The following MEGF6 variants were observed in gnomAD, a reference collection of about 807,000 sequenced individuals.
MEGF6 encodes multiple epidermal growth factor-like domains protein 6.
MEGF6 carries 184 observed loss-of-function variants against 207.1 expected under a neutral mutation model. That is an observed-to-expected ratio of 0.89 (90% CI 0.79 to 1.00). The LOEUF is 1.00. Among genes scored for constraint, MEGF6 ranks in the 50% least tolerant of loss-of-function variants. The probability of loss-of-function intolerance (pLI) is 0.00; values close to 1 mark genes in which losing one functional copy is unlikely to be tolerated. For missense variants in MEGF6, 2,282 were observed against 2,202.9 expected (o/e 1.04, Z -0.72); for synonymous variants, 1,038 against 910.0 (o/e 1.14, Z -2.53).
At chr1:3,606,665 T>C (rs1329486646) in intron 1 of MEGF6, among the ~76,000 whole-genome samples, 3 of 152,192 alleles carry the variant, frequency 2.0e-5, no homozygotes, top group Non-Finnish European at 2.9e-5. Context: ...ACCTGGAAAG[T>C]GGGCCATAGG....
intron 14 of MEGF6, 135 bp from the exon 15 acceptor site, chr1:3,506,371 G>A: frequency 8.9e-7 from 1 of 1,123,436 alleles, no homozygotes; most frequent in Non-Finnish European, 1.3e-6. Context: ...GGCACTAGGT[G>A]AGCCTTCCGG....
chr1:3,559,868 G>A (rs1273916937), intron 4 of MEGF6, among the ~76,000 whole-genome samples: 1 of 152,076 alleles, frequency 6.6e-6, no homozygotes, highest in African/African-American at 2.4e-5. Flanking sequence ...AAAATTAGCT[G>A]GGCATGGTGG....
At position 3,493,867 on chromosome 1, in the gene MEGF6, G is replaced by A. The variant is rs778230063; in HGVS notation, c.4291C>T (p.His1431Tyr). 1 of 1,596,006 alleles carries A rather than the reference G, an allele frequency of 6.3e-7. No homozygotes were observed. Among genetic ancestry groups the A allele is most frequent in the Non-Finnish European group, 8.5e-7 (1 of 1,172,002 alleles). Residue 1431 changes from histidine to tyrosine, a missense_variant, in exon 34 of 37, where the codon CAC becomes TAC. Physicochemically the swap from His to Tyr is moderately conservative, Grantham distance 83. Coordinates refer to ENST00000356575, the MANE Select transcript of MEGF6 (RefSeq NM_001409.4). ...CEPGSFGEGC[H>Y]QRCDCDGGAP... is the part of the protein sequence containing the mutation. Reference sequence around the variant, plus strand: ...CCCCCGTCACAGTCACAGCGCTGGTGGCAGCCCTCTCCAAATGAACCTGGC... The same window carrying A: ...CCCCCGTCACAGTCACAGCGCTGGTAGCAGCCCTCTCCAAATGAACCTGGC...
intron 30 of MEGF6, among the ~76,000 whole-genome samples, chr1:3,495,142 G>A (rs927315358): frequency 6.6e-6 from 1 of 152,224 alleles, no homozygotes; most frequent in African/African-American, 2.4e-5. Flanking sequence ...GGGCTCAGAG[G>A]TGGCTGGCTG....
intron 4 of MEGF6, among the ~76,000 whole-genome samples, chr1:3,578,643 G>A (rs1570177884): frequency 6.6e-6 from 1 of 152,216 alleles, no homozygotes; most frequent in African/African-American, 2.4e-5. Flanking sequence ...AGGCACTCGC[G>A]GTGACTCGGC....
chr1:3,508,654 A>G lies in MEGF6; in HGVS notation c.1564T>C (p.Leu522=). The G allele has an allele frequency of 6.2e-7, 1 of 1,613,488 alleles. No homozygotes were observed. The highest frequency in any genetic ancestry group is 8.5e-7 in the Non-Finnish European group (1 of 1,179,958). ...LDDSFGHDCS[L]TCDDCRNGGT... ...CCGTTCCTGCAGTCATCACAGGTCAAGCTGCAGTCATGGCCAAAGGAGTCA... is the reference window on the plus strand; with the variant it reads ...CCGTTCCTGCAGTCATCACAGGTCAGGCTGCAGTCATGGCCAAAGGAGTCA... The change falls in exon 13 of 37, where the codon TTG becomes CTG. Residue 522 remains leucine, a synonymous_variant. Coordinates refer to ENST00000356575, the MANE Select transcript of MEGF6 (RefSeq NM_001409.4).
intron 5 of MEGF6, 94 bp downstream of exon 5, chr1:3,524,030 C>T: frequency 7.0e-7 from 1 of 1,434,368 alleles, no homozygotes; most frequent in Non-Finnish European, 9.4e-7. Context: ...TCTCCATGTC[C>T]ACAGCCACCC....
intron 36 of MEGF6, 39 bp from the exon 37 acceptor site, chr1:3,490,628 G>A (rs771123702): frequency 1.8e-4 from 282 of 1,604,478 alleles, no homozygotes; most frequent in Non-Finnish European, 2.3e-4. Flanking sequence ...CCAGGGTGGG[G>A]CGGGTGCTCC....
intron 4 of MEGF6, among the ~76,000 whole-genome samples, chr1:3,525,335 A>AG (rs565878942): frequency 4.6e-3 from 705 of 152,342 alleles, no homozygotes; most frequent in Non-Finnish European, 8.5e-3. Flanking sequence ...AAGGCGGTAG[A>AG]GGGGAGTAGG....
intron 4 of MEGF6, among the ~76,000 whole-genome samples, chr1:3,561,154 C>T (rs774533796): frequency 2.6e-5 from 4 of 152,286 alleles, no homozygotes; most frequent in African/African-American, 4.8e-5. Context: ...GGAGGCTGCA[C>T]GCAGACCTGA....
At chr1:3,497,185 T>A (rs989747870) in intron 27 of MEGF6, 48 bp downstream of exon 27, 12 of 1,535,778 alleles carry the variant, frequency 7.8e-6, no homozygotes, top group Middle Eastern at 1.7e-4. Flanking sequence ...CCTCTCTGGA[T>A]TCCCCCTGCC....
chr1:3,607,650 G>A (rs1644270223), intron 1 of MEGF6, among the ~76,000 whole-genome samples: 1 of 152,222 alleles, frequency 6.6e-6, no homozygotes, highest in African/African-American at 2.4e-5. Flanking sequence ...TGGGTCTGAG[G>A]AGAACCCAAT....
rs756253148 is a variant in MEGF6, at chr1:3,490,931, C to A, written c.4545G>T (p.Pro1515=). ...CCTTACCTGAGCCCTGGGCTAAGGA[C>A]GGGTTCTCGGGGAGCCGGAGGGGCC... The part of the protein sequence containing the change: ...EGGPLRLPEN[P]SLAQGSAGTL... The change falls in exon 36 of 37, where the codon CCG becomes CCT. Residue 1515 remains proline, a synonymous_variant. Coordinates refer to ENST00000356575, the MANE Select transcript of MEGF6 (RefSeq NM_001409.4). The A allele has an allele frequency of 1.9e-6, 3 of 1,600,968 alleles. No homozygotes were observed. Among genetic ancestry groups the A allele is most frequent in the Non-Finnish European group, 1.7e-6 (2 of 1,175,124 alleles).
At chr1:3,507,686 C>G in intron 14 of MEGF6, 109 bp downstream of exon 14, 1 of 1,445,170 alleles carries the variant, frequency 6.9e-7, no homozygotes, top group East Asian at 2.3e-5. Flanking sequence ...TAGCAGTTTC[C>G]CTGCTCCAGT....
intron 28 of MEGF6, 89 bp from the exon 29 acceptor site, chr1:3,496,872 C>G: frequency 6.6e-7 from 1 of 1,519,786 alleles, no homozygotes; most frequent in Non-Finnish European, 8.9e-7. Context: ...ATGAGACCCC[C>G]ACACCCTCCA....
chr1:3,497,753 C>A, intron 26 of MEGF6: 1 of 369,818 alleles, frequency 2.7e-6, no homozygotes, highest in Non-Finnish European at 5.1e-6. Flanking sequence ...GCCCTGAGGC[C>A]AGCCGAGTGC....
Position 3,509,964 on chromosome 1 carries a change from G to A in MEGF6, c.1263C>T (p.Gly421=), listed in dbSNP as rs761645972. 12 of 1,584,250 alleles carry A rather than the reference G, an allele frequency of 7.6e-6. No individual in the cohort carries two copies. The highest frequency in any genetic ancestry group is 5.3e-5 in the Admixed American group (3 of 56,216). Residue 421 remains glycine, a synonymous_variant, in exon 11 of 37, where the codon GGC becomes GGT. Transcript: ENST00000356575. ...GGTTGGTGCAGTGGTGCTCGCAGCC[G>A]CCACGGCTGGAGGCGCACTCATCCA... ...EDVDECASSR[G]GCEHHCTNLA...
chr1:3,488,588 C>T lies in MEGF6; in HGVS notation c.*1940G>A, dbSNP rs562726961. Among the ~76,000 whole-genome samples the T allele has an allele frequency of 5.1e-4, 77 of 152,334 alleles. No individual in the cohort carries two copies. Among genetic ancestry groups the T allele is most frequent in the African/African-American group, 1.8e-3 (73 of 41,558 alleles). ...GAAAAATGGCCGAGGCCTTGAAGGC[C>T]TAAGAATAACATGGACTTTGCATGC... On this transcript the variant is annotated 3_prime_UTR_variant, in exon 37 of 37. Transcript: ENST00000356575.
chr1:3,492,602 G>A, intron 35 of MEGF6, 37 bp downstream of exon 35: 1 of 1,595,810 alleles, frequency 6.3e-7, no homozygotes, highest in South Asian at 1.1e-5. Flanking sequence ...ATTGGGGGAT[G>A]GTGCCTTCCC....
Sources: allele counts gnomAD v4.1 joint callset (sites outside exome capture counted in the v4.1 genomes callset), GRCh38; gene constraint gnomAD v4.1.1; transcripts MANE v1.5; gene names NCBI Gene and HGNC (gene_info 2026-07-23, HGNC 2026-07-21).